Variants in COL5A2 observed in about 807,000 individuals in gnomAD.
The protein encoded by COL5A2 is collagen type V alpha 2 chain.
Under a neutral mutation model 208.2 loss-of-function variants are expected in COL5A2, and 23 were observed. The observed-to-expected ratio is 0.11, with a 90% CI of 0.08 to 0.16. The LOEUF (loss-of-function observed/expected upper bound fraction) is 0.16. Among genes scored for constraint, COL5A2 ranks in the 10% least tolerant of loss-of-function variants. The pLI is 1.00. For synonymous variants in COL5A2, 625 were observed against 628.5 expected (o/e 0.99, Z 0.08); for missense variants, 1,590 against 1,956.4 (o/e 0.81, Z 3.53).
chr2:189,292,756 A>G, the COL5A2 span, among the ~76,000 whole-genome samples: 1 of 152,202 alleles, frequency 6.6e-6, no homozygotes, highest in African/African-American at 2.4e-5. Flanking sequence ...ATTACTGGGT[A>G]TATACCCAAA....
chr2:189,380,371 A>G, the COL5A2 span, among the ~76,000 whole-genome samples: 2 of 152,090 alleles, frequency 1.3e-5, no homozygotes, highest in Non-Finnish European at 2.9e-5. Context: ...ATTTTAAGCT[A>G]AGAGTAAAGA....
At chr2:189,397,261 A>T in the COL5A2 span, among the ~76,000 whole-genome samples, 1 of 152,220 alleles carries the variant, frequency 6.6e-6, no homozygotes, top group African/African-American at 2.4e-5. Context: ...TAATTCAATT[A>T]TTCAACAAAC....
intron 1 of COL5A2, among the ~76,000 whole-genome samples, chr2:189,121,093 T>C (rs765297713): frequency 2.6e-5 from 4 of 151,784 alleles, no homozygotes; most frequent in Non-Finnish European, 2.9e-5. Flanking sequence ...TAGGCAAATC[T>C]TGGTTGTTGT....
intron 3 of COL5A2, 144 bp from the exon 4 acceptor site, chr2:189,100,283 A>C (rs1687022444): frequency 1.5e-6 from 1 of 674,318 alleles, no homozygotes; most frequent in Non-Finnish European, 2.6e-6. Flanking sequence ...GAAAGTTAAC[A>C]ATTTTTAGGA....
intron 12 of COL5A2, 120 bp downstream of exon 12, chr2:189,083,864 C>A (rs1686592860): frequency 1.3e-5 from 10 of 785,104 alleles, no homozygotes; most frequent in Admixed American, 4.0e-5. Context: ...TTTACGGAAA[C>A]AAACAATGCT....
chr2:189,282,486 G>C, the COL5A2 span, among the ~76,000 whole-genome samples: 1 of 152,124 alleles, frequency 6.6e-6, no homozygotes, highest in East Asian at 1.9e-4. Flanking sequence ...GTATCTTCCA[G>C]CTTCTCTGAT....
the COL5A2 span, among the ~76,000 whole-genome samples, chr2:189,281,626 C>T: frequency 2.0e-5 from 3 of 152,074 alleles, no homozygotes; most frequent in African/African-American, 7.2e-5. Context: ...GAATGATTGC[C>T]AGTAATAACA....
intron 53 of COL5A2, 93 bp downstream of exon 53, chr2:189,034,822 TA>T: frequency 6.8e-7 from 1 of 1,473,216 alleles, no homozygotes; most frequent in Non-Finnish European, 9.4e-7. Flanking sequence ...ATATACAAGG[TA>T]AAATTGCCCC....
At chr2:189,156,236 C>A (rs1293001212) in intron 1 of COL5A2, among the ~76,000 whole-genome samples, 2 of 152,060 alleles carry the variant, frequency 1.3e-5, no homozygotes, top group Non-Finnish European at 2.9e-5. Context: ...CCATTCACAC[C>A]CTGCAGTAGA....
the COL5A2 span, among the ~76,000 whole-genome samples, chr2:189,367,828 C>A: frequency 6.6e-6 from 1 of 152,108 alleles, no homozygotes; most frequent in African/African-American, 2.4e-5. Flanking sequence ...AATATTACTA[C>A]AAATATTTTA....
the COL5A2 span, among the ~76,000 whole-genome samples, chr2:189,324,850 A>G: frequency 1.3e-5 from 2 of 152,230 alleles, no homozygotes; most frequent in African/African-American, 4.8e-5. Context: ...TCATGCTACT[A>G]TAAAGACACA....
intron 1 of COL5A2, among the ~76,000 whole-genome samples, chr2:189,190,437 G>A (rs959854147): frequency 4.6e-5 from 7 of 152,090 alleles, no homozygotes; most frequent in Non-Finnish European, 1.0e-4. Flanking sequence ...ACACACTCAA[G>A]GGATACTTAG....
chr2:189,349,874 C>T, the COL5A2 span, among the ~76,000 whole-genome samples: 2 of 151,970 alleles, frequency 1.3e-5, no homozygotes, highest in Admixed American at 6.6e-5. Flanking sequence ...TTTACAATTG[C>T]CTTTGGAAAA....
At chr2:189,154,869 G>A (rs554288813) in intron 1 of COL5A2, among the ~76,000 whole-genome samples, 5 of 152,186 alleles carry the variant, frequency 3.3e-5, no homozygotes, top group African/African-American at 1.2e-4. Flanking sequence ...CATAAAACTC[G>A]AAATAAAATT....
At chr2:189,082,932 G>A (rs767267593) in intron 12 of COL5A2, among the ~76,000 whole-genome samples, 1 of 152,282 alleles carries the variant, frequency 6.6e-6, no homozygotes, top group Non-Finnish European at 1.5e-5. Context: ...AGGGAGTTGG[G>A]AAATTGGTTT....
At chr2:189,094,498 G>A (rs926220147) in intron 6 of COL5A2, among the ~76,000 whole-genome samples, 4 of 149,716 alleles carry the variant, frequency 2.7e-5, no homozygotes, top group Non-Finnish European at 5.9e-5. Context: ...AGGTGGCGAT[G>A]TTTAAACATC....
chr2:189,246,733 G>A, the COL5A2 span, among the ~76,000 whole-genome samples: 2 of 152,146 alleles, frequency 1.3e-5, no homozygotes, highest in Non-Finnish European at 2.9e-5. Context: ...CAGAGAGCAG[G>A]GTTCCCTTGA....
chr2:189,358,075 A>G, the COL5A2 span, among the ~76,000 whole-genome samples: 7 of 152,022 alleles, frequency 4.6e-5, no homozygotes, highest in East Asian at 1.9e-4. Context: ...ACCAGTCCCA[A>G]TGAGATAAAC....
the COL5A2 span, among the ~76,000 whole-genome samples, chr2:189,357,215 G>C: frequency 2.0e-5 from 3 of 152,138 alleles, no homozygotes; most frequent in Non-Finnish European, 2.9e-5. Context: ...CAGAGGTCAG[G>C]GGCCCACTTG....
Sources: allele counts gnomAD v4.1 joint callset (sites outside exome capture counted in the v4.1 genomes callset), GRCh38; gene constraint gnomAD v4.1.1; transcripts MANE v1.5; gene names NCBI Gene and HGNC (gene_info 2026-07-23, HGNC 2026-07-21).